Variants in SRGAP1 observed in about 807,000 individuals in gnomAD.
SRGAP1 encodes SLIT-ROBO Rho GTPase-activating protein 1.
A neutral mutation model predicts 121.9 loss-of-function variants in SRGAP1; 43 were observed. That is an observed-to-expected ratio of 0.35 (90% CI 0.28 to 0.46). The LOEUF (loss-of-function observed/expected upper bound fraction) is 0.46. SRGAP1 is among the 20% of genes least tolerant of loss of function. SRGAP1 has a pLI of 1.00. For synonymous variants in SRGAP1, 447 were observed against 485.4 expected, an observed-to-expected ratio of 0.92 and a Z score of 1.04; for missense variants, 1,102 against 1,350.9, an observed-to-expected ratio of 0.82 and a Z score of 2.89.
chr12:64,044,460 C>G (rs1477322422), intron 6 of SRGAP1, among the ~76,000 whole-genome samples: 5 of 152,002 alleles, frequency 3.3e-5, no homozygotes, highest in Non-Finnish European at 7.4e-5. Context: ...TTTGTATTGC[C>G]TGGATTCAAC....
intron 3 of SRGAP1, among the ~76,000 whole-genome samples, chr12:63,997,105 T>G (rs2033733917): frequency 6.6e-6 from 1 of 151,940 alleles, no homozygotes; most frequent in Non-Finnish European, 1.5e-5. Flanking sequence ...AGTACTGAAT[T>G]CTGAAGGCAA....
intron 3 of SRGAP1, among the ~76,000 whole-genome samples, chr12:63,996,353 G>A (rs1399241613): frequency 6.6e-6 from 1 of 151,974 alleles, no homozygotes; most frequent in Non-Finnish European, 1.5e-5. Flanking sequence ...TCTGGAAATA[G>A]GCTACCTCAT....
At chr12:64,046,270 G>C (rs1230971411) in intron 6 of SRGAP1, among the ~76,000 whole-genome samples, 2 of 152,160 alleles carry the variant, frequency 1.3e-5, no homozygotes, top group Non-Finnish European at 2.9e-5. Context: ...GATAGGGAAG[G>C]GTTTGAATTT....
At chr12:64,099,567 G>A (rs764518192) in intron 15 of SRGAP1, among the ~76,000 whole-genome samples, 12 of 152,154 alleles carry the variant, frequency 7.9e-5, no homozygotes, top group Non-Finnish European at 1.6e-4. Context: ...TGTCCCATTG[G>A]AATTTAGAAG....
chr12:63,972,930 C>G (rs1175298091), intron 1 of SRGAP1, among the ~76,000 whole-genome samples: 1 of 151,948 alleles, frequency 6.6e-6, no homozygotes, highest in Non-Finnish European at 1.5e-5. Context: ...GGCAGATCAC[C>G]TGAGGTCAGG....
At chr12:63,956,129 C>T (rs768171887) in intron 1 of SRGAP1, among the ~76,000 whole-genome samples, 4 of 152,004 alleles carry the variant, frequency 2.6e-5, no homozygotes, top group Admixed American at 6.6e-5. Flanking sequence ...GGCGCAATCC[C>T]GAGTAGTTGG....
intron 1 of SRGAP1, among the ~76,000 whole-genome samples, chr12:63,868,217 G>A (rs1428584323): frequency 1.3e-5 from 2 of 150,828 alleles, no homozygotes; most frequent in Non-Finnish European, 3.0e-5. Flanking sequence ...AAGCAGCTGG[G>A]ATTACAGGTG....
intron 1 of SRGAP1, among the ~76,000 whole-genome samples, chr12:63,849,400 G>A (rs1226999488): frequency 1.3e-5 from 2 of 152,228 alleles, no homozygotes; most frequent in African/African-American, 2.4e-5. Context: ...ACTTATAGAT[G>A]AGAGGCTGTG....
intron 4 of SRGAP1, 44 bp downstream of exon 4, chr12:64,017,056 A>G (rs760927461): frequency 8.5e-7 from 1 of 1,182,888 alleles, no homozygotes; most frequent in African/African-American, 1.5e-5. Context: ...CTTGGGTTAG[A>G]ATTCTGGTTT....
rs10689107 is a variant in SRGAP1, at chr12:64,041,875, A to ATATTATTATTATTATTAT, written c.490-892_490-875dup. Among the ~76,000 whole-genome samples the ATATTATTATTATTATTAT allele has an allele frequency of 7.2e-3, 999 of 138,606 alleles. 6 individuals are homozygous for ATATTATTATTATTATTAT. Among genetic ancestry groups the ATATTATTATTATTATTAT allele is most frequent in the Middle Eastern group, 0.011 (3 of 276 alleles). 90.9% of individuals were successfully genotyped at this position (138,606 alleles called of 152,430 possible). On this transcript the variant is annotated intron_variant, in intron 4 of 21. Coordinates refer to ENST00000355086, the MANE Select transcript of SRGAP1 (RefSeq NM_020762.4). ...CTTTTTATTTTCTTTATTTTCTTTT[A>ATATTATTATTATTATTAT]TATTATTATTATTATTATTATTATT...
intron 6 of SRGAP1, among the ~76,000 whole-genome samples, chr12:64,060,657 G>A (rs372776874): frequency 1.3e-5 from 2 of 152,236 alleles, no homozygotes; most frequent in African/African-American, 4.8e-5. Context: ...GAATTAAATA[G>A]GTTAGTTGTA....
In SRGAP1 at chr12:64,150,141, T is replaced by C. The variant is rs1592366089; in HGVS notation, c.*7469T>C. On this transcript the variant is annotated 3_prime_UTR_variant, in exon 22 of 22. Coordinates refer to ENST00000355086, the MANE Select transcript of SRGAP1 (RefSeq NM_020762.4). Reference sequence around the variant, plus strand: ...ATATCAACACATGTGCTTGTGTGCATGTGCACGTGTGTGGGTGGGAGGGTG... The same window carrying C: ...ATATCAACACATGTGCTTGTGTGCACGTGCACGTGTGTGGGTGGGAGGGTG... 6.7e-6 allele frequency: 1 copy of C among 148,530 alleles called. No homozygotes were observed. Among genetic ancestry groups the C allele is most frequent in the East Asian group, 2.0e-4 (1 of 4,940 alleles). 9.2% of individuals were successfully genotyped at this position (148,530 alleles called of 1,614,324 possible).
At chr12:64,139,119 A>C (rs772292597) in intron 21 of SRGAP1, among the ~76,000 whole-genome samples, 1 of 152,238 alleles carries the variant, frequency 6.6e-6, no homozygotes, top group Non-Finnish European at 1.5e-5. Context: ...AATTCACTAC[A>C]TGTAAACTCA....
At chr12:64,084,304 A>AC (rs1279919971) in intron 10 of SRGAP1, among the ~76,000 whole-genome samples, 2 of 152,070 alleles carry the variant, frequency 1.3e-5, no homozygotes, top group Non-Finnish European at 2.9e-5. Flanking sequence ...AGCCTGGGTT[A>AC]TTTTTTTCCT....
intron 1 of SRGAP1, among the ~76,000 whole-genome samples, chr12:63,920,907 T>C (rs558761447): frequency 8.9e-4 from 135 of 152,322 alleles, no homozygotes; most frequent in African/African-American, 3.2e-3. Context: ...TTTTTTAATA[T>C]GGAGAATATA....
chr12:63,950,468 A>G (rs898380437), intron 1 of SRGAP1, among the ~76,000 whole-genome samples: 1 of 151,686 alleles, frequency 6.6e-6, no homozygotes, highest in Non-Finnish European at 1.5e-5. Context: ...TGCTTTTATT[A>G]GAGTCCATCT....
At chr12:63,859,676 A>G (rs1357975599) in intron 1 of SRGAP1, among the ~76,000 whole-genome samples, 2 of 152,170 alleles carry the variant, frequency 1.3e-5, no homozygotes, top group African/African-American at 2.4e-5. Context: ...TATTACTAAT[A>G]TAAGTATTTA....
intron 3 of SRGAP1, among the ~76,000 whole-genome samples, chr12:64,003,566 A>C (rs1045341828): frequency 2.0e-5 from 3 of 151,992 alleles, no homozygotes; most frequent in African/African-American, 7.2e-5. Context: ...AATTCATTAG[A>C]TAGACTCAAT....
In SRGAP1 at chr12:63,959,335, A is replaced by AT. The variant is rs562174291; in HGVS notation, c.68-24604dup. Among the ~76,000 whole-genome samples the AT allele has an allele frequency of 2.2e-3, 341 of 152,176 alleles. 1 individual carries two copies. The highest frequency in any genetic ancestry group is 4.2e-3 in the Admixed American group (64 of 15,276). ...TAAACTGAGGACACCTGTTCACTTAATTTTTTTTCCTAATTCAGTATTGGT... is the reference window on the plus strand; with the variant it reads ...TAAACTGAGGACACCTGTTCACTTAATTTTTTTTTCCTAATTCAGTATTGGT... On this transcript the variant is annotated intron_variant, in intron 1 of 21. Coordinates refer to ENST00000355086, the MANE Select transcript of SRGAP1 (RefSeq NM_020762.4).
Sources: gnomAD v4.1 joint callset for allele counts (sites outside exome capture counted in the v4.1 genomes callset) on GRCh38, gnomAD v4.1.1 for gene constraint, MANE v1.5 for transcripts, NCBI Gene and HGNC (gene_info 2026-07-23, HGNC 2026-07-21) for gene names.